Variants in PLXDC1 observed in about 807,000 individuals in gnomAD.
The protein encoded by PLXDC1 is plexin domain-containing protein 1.
A neutral mutation model predicts 61.3 loss-of-function variants in PLXDC1; 39 were observed. The ratio of observed to expected loss-of-function variants is 0.64; its 90% CI spans 0.49 to 0.83. PLXDC1 has a LOEUF of 0.83. Ranked by LOEUF, PLXDC1 falls within the 40% of genes least tolerant of loss-of-function variation. PLXDC1 has a pLI of 0.00. For synonymous variants in PLXDC1, 212 were observed against 254.5 expected (o/e 0.83, Z 1.59); for missense variants, 596 against 666.5 (o/e 0.89, Z 1.17).
chr17:39,135,750 G>T (rs148997885), intron 2 of PLXDC1, among the ~76,000 whole-genome samples: 2 of 149,586 alleles, frequency 1.3e-5, no homozygotes, highest in South Asian at 2.1e-4. Flanking sequence ...CTGCAACTTC[G>T]CCAGGAACAC....
At chr17:39,114,396 C>T (rs960522028) in intron 2 of PLXDC1, among the ~76,000 whole-genome samples, 4 of 152,350 alleles carry the variant, frequency 2.6e-5, no homozygotes, top group South Asian at 2.1e-4. Flanking sequence ...TATCCAGCCT[C>T]AGCTCAGGAG....
intron 2 of PLXDC1, among the ~76,000 whole-genome samples, chr17:39,125,947 T>C (rs1348049506): frequency 6.6e-6 from 1 of 152,196 alleles, no homozygotes; most frequent in Non-Finnish European, 1.5e-5. Context: ...TATAAAGCAA[T>C]GCTTCTCAAA....
At chr17:39,068,215 C>T (rs1328290866) in intron 13 of PLXDC1, among the ~76,000 whole-genome samples, 1 of 152,190 alleles carries the variant, frequency 6.6e-6, no homozygotes, top group Non-Finnish European at 1.5e-5. Flanking sequence ...GTGTGGTCTG[C>T]AGAACTCACA....
chr17:39,105,226 A>G (rs1910552580), intron 7 of PLXDC1, among the ~76,000 whole-genome samples: 1 of 152,170 alleles, frequency 6.6e-6, no homozygotes. Flanking sequence ...GCGGCAGTGC[A>G]TGGGATGCCT....
chr17:39,087,547 T>C, intron 8 of PLXDC1, 60 bp downstream of exon 8: 1 of 1,309,042 alleles, frequency 7.6e-7, no homozygotes, highest in Non-Finnish European at 1.1e-6. Context: ...GCCTGGGACA[T>C]GAAGCCAGTC....
chr17:39,152,698 A>G (rs530217614), upstream of PLXDC1: 17 of 1,220,266 alleles, frequency 1.4e-5, no homozygotes, highest in Non-Finnish European at 1.7e-5. Flanking sequence ...ATTTTCCAGG[A>G]GGAGGGATAT....
chr17:39,094,285 C>T (rs1048035136), intron 7 of PLXDC1, among the ~76,000 whole-genome samples: 4 of 152,160 alleles, frequency 2.6e-5, no homozygotes, highest in Non-Finnish European at 5.9e-5. Flanking sequence ...GCCATCTCTC[C>T]TTCCCCTTCA....
intron 2 of PLXDC1, among the ~76,000 whole-genome samples, chr17:39,113,543 T>C (rs768693348): frequency 1.0e-3 from 157 of 152,214 alleles, no homozygotes; most frequent in Non-Finnish European, 1.7e-3. Flanking sequence ...TCTTTACTAA[T>C]AGAAAATTGA....
chr17:39,083,385 A>G, intron 9 of PLXDC1, 74 bp downstream of exon 9: 1 of 1,155,542 alleles, frequency 8.7e-7, no homozygotes, highest in South Asian at 1.3e-5. Flanking sequence ...CAGTGAGGCC[A>G]GGACGGGGCC....
chr17:39,103,142 G>A (rs941743792), intron 7 of PLXDC1, among the ~76,000 whole-genome samples: 2 of 151,824 alleles, frequency 1.3e-5, no homozygotes, highest in Non-Finnish European at 2.9e-5. Context: ...GTGAACCCGG[G>A]AGGTGGAGCT....
At chr17:39,116,316 G>A (rs1910962911) in intron 2 of PLXDC1, among the ~76,000 whole-genome samples, 1 of 152,078 alleles carries the variant, frequency 6.6e-6, no homozygotes, top group South Asian at 2.1e-4. Context: ...GGAGCTCAGG[G>A]ATGGTGGCAC....
intron 2 of PLXDC1, among the ~76,000 whole-genome samples, chr17:39,137,057 C>T (rs1420358450): frequency 6.6e-6 from 1 of 152,170 alleles, no homozygotes; most frequent in Non-Finnish European, 1.5e-5. Flanking sequence ...CCCCAACGTC[C>T]AGCATGGCAA....
At chr17:39,152,581 A>G (rs1277613923), upstream of PLXDC1, 9 of 1,250,272 alleles carry the variant, frequency 7.2e-6, no homozygotes, top group East Asian at 2.8e-4. Flanking sequence ...GGGGCGCTGG[A>G]GAGTGGGAGA....
In PLXDC1 at chr17:39,139,732, G is replaced by C; in HGVS notation, c.177C>G (p.Asp59Glu). The change falls in exon 2 of 14, where the codon GAC becomes GAG. Residue 59 changes from aspartate to glutamate, a missense_variant. By Grantham distance (45) the Asp-to-Glu change is conservative. Coordinates refer to ENST00000315392, the MANE Select transcript of PLXDC1 (RefSeq NM_020405.5). ...CCAGGTCCTGGCTCAGCTGGGTCCT[G>C]TCCGGCTCTGACACATGCCCAGGGC... is the stretch of plus-strand genomic sequence containing the variant. Reference protein sequence around the residue: ...RESPGHVSEPDRTQLSQDLGG... With the variant: ...RESPGHVSEPERTQLSQDLGG... The C allele has an allele frequency of 6.2e-7, 1 of 1,614,022 alleles. No individual in the cohort carries two copies. Among genetic ancestry groups the C allele is most frequent in the Non-Finnish European group, 8.5e-7 (1 of 1,180,018 alleles).
At position 39,128,097 on chromosome 17, in the gene PLXDC1, G is replaced by GTGTATATATATATATATA. The variant is rs1911379292; in HGVS notation, c.255+11556_255+11557insTATATATATATATATACA. Among the ~76,000 whole-genome samples the GTGTATATATATATATATA allele has an allele frequency of 6.5e-4, 44 of 67,500 alleles. 1 individual carries two copies. The highest frequency in any genetic ancestry group is 4.1e-3 in the East Asian group (8 of 1,938). 44.3% of individuals were successfully genotyped at this position (67,500 alleles called of 152,430 possible). ...TCTCTCTCTCTCTCTCTCTCTATGT[G>GTGTATATATATATATATA]TATATATATATATATATGTATATAT... On this transcript the variant is annotated intron_variant, in intron 2 of 13. Coordinates refer to ENST00000315392, the MANE Select transcript of PLXDC1 (RefSeq NM_020405.5).
intron 11 of PLXDC1, among the ~76,000 whole-genome samples, chr17:39,074,012 T>C (rs1909225903): frequency 1.3e-5 from 2 of 152,060 alleles, no homozygotes; most frequent in African/African-American, 4.8e-5. Flanking sequence ...GGCAGGCCCC[T>C]CTGGCTGGAG....
chr17:39,093,413 A>C (rs926644042), intron 7 of PLXDC1, among the ~76,000 whole-genome samples: 8 of 152,156 alleles, frequency 5.3e-5, no homozygotes, highest in African/African-American at 1.4e-4. Context: ...TTTATTTAAA[A>C]ATAAAAACAT....
rs750934044 is a variant in PLXDC1, at chr17:39,109,235, C to G, written c.399+13G>C. On this transcript the variant is annotated intron_variant, in intron 3 of 13. Coordinates refer to ENST00000315392, the MANE Select transcript of PLXDC1 (RefSeq NM_020405.5). ...CAGCACAGGGAAGCATGGCTGGCGA[C>G]TGGGGCACTCACCGAAGCCTGCCGG... The G allele has an allele frequency of 6.2e-7, 1 of 1,600,566 alleles. No individual in the cohort carries two copies. The highest frequency in any genetic ancestry group is 1.7e-5 in the Admixed American group (1 of 58,526).
chr17:39,119,630 G>A (rs1022281724), intron 2 of PLXDC1, among the ~76,000 whole-genome samples: 1 of 151,962 alleles, frequency 6.6e-6, no homozygotes, highest in Non-Finnish European at 1.5e-5. Flanking sequence ...CCCATAGTCC[G>A]AGCTATTCAG....
Sources: gnomAD v4.1 joint callset for allele counts (sites outside exome capture counted in the v4.1 genomes callset) on GRCh38, gnomAD v4.1.1 for gene constraint, MANE v1.5 for transcripts, NCBI Gene and HGNC (gene_info 2026-07-23, HGNC 2026-07-21) for gene names.